SYNE1: variants seen among roughly 807,000 people sequenced by gnomAD.
The protein encoded by SYNE1 is spectrin repeat containing nuclear envelope protein 1, also known as nesprin-1.
Under a neutral mutation model 1,111.0 loss-of-function variants are expected in SYNE1, and 616 were observed. The ratio of observed to expected loss-of-function variants is 0.55; its 90% CI spans 0.52 to 0.59. The LOEUF (loss-of-function observed/expected upper bound fraction) is 0.59, where lower values mean the gene tolerates loss of function less well. SYNE1 is among the 20% of genes least tolerant of loss of function. The pLI, the probability that SYNE1 is intolerant of heterozygous loss-of-function variation, is 0.00. For synonymous variants in SYNE1, 3,855 were observed against 3,825.8 expected (o/e 1.01, Z -0.28); for missense variants, 10,006 against 10,417.0 (o/e 0.96, Z 1.72).
intron 4 of SYNE1, among the ~76,000 whole-genome samples, chr6:152,535,507 A>G (rs962112625): frequency 6.6e-6 from 1 of 152,180 alleles, no homozygotes; most frequent in Non-Finnish European, 1.5e-5. Context: ...AGCTCCATTT[A>G]TAGAAACACT....
intron 11 of SYNE1, among the ~76,000 whole-genome samples, chr6:152,491,734 C>T (rs775794744): frequency 5.9e-5 from 9 of 152,082 alleles, no homozygotes; most frequent in African/African-American, 9.7e-5. Context: ...GCTCCCAGTG[C>T]GACTCATCAC....
rs1487951728 is a variant in SYNE1 at position 152,392,017 on chromosome 6, C to T, written c.7713-449G>A. Among the ~76,000 whole-genome samples the T allele has an allele frequency of 8.3e-4, 126 of 152,148 alleles. 1 individual carries two copies. The highest frequency in any genetic ancestry group is 8.2e-3 in the Admixed American group (126 of 15,280). ...CCTTTATGAAAACCCTTCTGCTCAG[C>T]ACTGTTGCATTCCTAGTTGCCTGTT... On this transcript the variant is annotated intron_variant, in intron 51 of 145. Transcript: ENST00000367255.
At chr6:152,518,554 C>T (rs1359150546) in intron 6 of SYNE1, among the ~76,000 whole-genome samples, 1 of 152,086 alleles carries the variant, frequency 6.6e-6, no homozygotes, top group Non-Finnish European at 1.5e-5. Flanking sequence ...GCTATGCTTC[C>T]TGAGCAGCCT....
chr6:152,581,453 C>A (rs556256460), intron 3 of SYNE1, among the ~76,000 whole-genome samples: 1 of 152,270 alleles, frequency 6.6e-6, no homozygotes, highest in African/African-American at 2.4e-5. Flanking sequence ...GCCACTGCAT[C>A]CTAAAAGGAT....
intron 78 of SYNE1, 136 bp downstream of exon 78, chr6:152,329,594 C>A: frequency 1.7e-6 from 2 of 1,148,968 alleles, no homozygotes; most frequent in Admixed American, 2.3e-5. Context: ...ATTTAAGTCA[C>A]TGCTGAAGAT....
chr6:152,277,861 C>T (rs2153708173), intron 98 of SYNE1: 2 of 584,242 alleles, frequency 3.4e-6, no homozygotes, highest in Non-Finnish European at 6.2e-6. Context: ...TTGCCTCCAC[C>T]ACTCCGCTGA....
intron 25 of SYNE1, 61 bp from the exon 26 acceptor site, chr6:152,451,266 A>G (rs1166971451): frequency 5.9e-6 from 9 of 1,533,382 alleles, no homozygotes; most frequent in Non-Finnish European, 7.1e-6. Flanking sequence ...TACATTCCCA[A>G]TTGAAGTGGC....
chr6:152,275,574 T>C (rs1382824926), intron 98 of SYNE1, among the ~76,000 whole-genome samples: 1 of 152,088 alleles, frequency 6.6e-6, no homozygotes, highest in African/African-American at 2.4e-5. Flanking sequence ...ATTGTAATAT[T>C]GTATTTTAAT....
intron 50 of SYNE1, among the ~76,000 whole-genome samples, chr6:152,395,969 A>G (rs1286308158): frequency 6.6e-6 from 1 of 152,228 alleles, no homozygotes; most frequent in African/African-American, 2.4e-5. Flanking sequence ...GTCAATGAGC[A>G]CTTAATTTTG....
At chr6:152,625,316 CA>C (rs1405048900) in intron 3 of SYNE1, among the ~76,000 whole-genome samples, 2 of 152,150 alleles carry the variant, frequency 1.3e-5, no homozygotes, top group African/African-American at 4.8e-5. Context: ...AGTAAATATG[CA>C]CAGTGACAAC....
At position 152,232,312 on chromosome 6, in the gene SYNE1, C is replaced by A. The variant is rs184918816; in HGVS notation, c.20713-47G>T. The A allele has an allele frequency of 4.4e-6, 7 of 1,603,206 alleles. No homozygotes were observed. In the African/African-American group the frequency reaches 6.7e-5, roughly 15 times the overall value. On this transcript the variant is annotated intron_variant, in intron 112 of 145. Transcript: ENST00000367255. ...CCAGTCCCAAGTGTTAAAATGGAAA[C>A]CCCAACTTCTGCTAACTTAAAAACC...
At chr6:152,167,126 T>C (rs996636998) in intron 130 of SYNE1, among the ~76,000 whole-genome samples, 1 of 152,238 alleles carries the variant, frequency 6.6e-6, no homozygotes, top group African/African-American at 2.4e-5. Context: ...CTGCAGCTTA[T>C]GGTTCTTTCA....
In SYNE1 at chr6:152,520,546, T is replaced by C; in HGVS notation, c.226-4A>G. The C allele has an allele frequency of 6.2e-7, 1 of 1,613,594 alleles. No individual in the cohort carries two copies. The highest frequency in any genetic ancestry group is 8.5e-7 in the Non-Finnish European group (1 of 1,179,622). ...TCCGGCGTCCTTGTTCACAAGGCTG[T>C]AAAAAGTGGGGTAAAAAAGGGAATG... On this transcript the variant is annotated splice_region_variant and splice_polypyrimidine_tract_variant and intron_variant, in intron 5 of 145. Coordinates refer to ENST00000367255, the MANE Select transcript of SYNE1 (RefSeq NM_182961.4).
chr6:152,323,352 T>C, intron 82 of SYNE1, 126 bp downstream of exon 82: 1 of 1,393,248 alleles, frequency 7.2e-7, no homozygotes, highest in Non-Finnish European at 9.8e-7. Flanking sequence ...GGCAGGAGAA[T>C]GGCGTGAACC....
chr6:152,246,335 T>C (rs1274681874), intron 105 of SYNE1, among the ~76,000 whole-genome samples: 3 of 149,630 alleles, frequency 2.0e-5, no homozygotes, highest in Non-Finnish European at 3.0e-5. Context: ...AGTAGAACTT[T>C]AAACAACAAA....
At chr6:152,580,732 C>A (rs938674907) in intron 3 of SYNE1, among the ~76,000 whole-genome samples, 1 of 152,056 alleles carries the variant, frequency 6.6e-6, no homozygotes, top group African/African-American at 2.4e-5. Context: ...TGCATATTAG[C>A]CATCAGTATT....
intron 38 of SYNE1, among the ~76,000 whole-genome samples, chr6:152,426,803 A>G (rs551917506): frequency 6.6e-6 from 1 of 152,208 alleles, no homozygotes; most frequent in Non-Finnish European, 1.5e-5. Context: ...AGGCAGGAGA[A>G]CCAGAAGAAT....
rs745757402 is a variant in SYNE1, at chr6:152,302,078, C to T, written c.17347-15G>A. 1 of 1,614,170 alleles carries T rather than the reference C, an allele frequency of 6.2e-7. No individual in the cohort carries two copies. The highest frequency in any genetic ancestry group is 2.2e-5 in the East Asian group (1 of 44,886). On this transcript the variant is annotated splice_polypyrimidine_tract_variant and intron_variant, in intron 91 of 145. Transcript: ENST00000367255. ...TGCGCCAGCTCCTGAGGAAACATTT[C>T]CCCCACCGGGGTGTCAGAGCAGCAT...
chr6:152,313,398 G>A (rs891112409), intron 87 of SYNE1, among the ~76,000 whole-genome samples: 9 of 150,880 alleles, frequency 6.0e-5, no homozygotes, highest in Non-Finnish European at 8.8e-5. Flanking sequence ...CCCTATTCAG[G>A]CCCCTACGAA....
Sources: gnomAD v4.1 joint callset for allele counts (sites outside exome capture counted in the v4.1 genomes callset) on GRCh38, gnomAD v4.1.1 for gene constraint, MANE v1.5 for transcripts, NCBI Gene and HGNC (gene_info 2026-07-23, HGNC 2026-07-21) for gene names.